Variants in ABLIM2 observed in about 807,000 individuals in gnomAD.
ABLIM2 encodes actin binding LIM protein family member 2.
In ABLIM2, 53 loss-of-function variants were observed where a neutral mutation model predicts 97.7. That is an observed-to-expected ratio of 0.54 (90% CI 0.44 to 0.68). The LOEUF (loss-of-function observed/expected upper bound fraction) is 0.68. Among genes scored for constraint, ABLIM2 ranks in the 30% least tolerant of loss-of-function variants. The pLI is 0.00. For synonymous variants in ABLIM2, 361 were observed against 345.8 expected, an observed-to-expected ratio of 1.04 and a Z score of -0.49; for missense variants, 835 against 867.2, an observed-to-expected ratio of 0.96 and a Z score of 0.47.
At position 8,068,800 on chromosome 4, in the gene ABLIM2, G is replaced by A. The variant is rs528939383; in HGVS notation, c.676-7746C>T. Among the ~76,000 whole-genome samples the A allele has an allele frequency of 6.6e-5, 10 of 152,378 alleles. No individual in the cohort carries two copies. Among genetic ancestry groups the A allele is most frequent in the Non-Finnish European group, 1.5e-4 (10 of 68,042 alleles). ...GCTGCTCCTCACAGTCATCGGCCCA[G>A]TTCAGAGCTCTAGTTTCCTTTCTGA... On this transcript the variant is annotated intron_variant, in intron 6 of 20. Transcript: ENST00000447017. The surrounding 1 kb of genome is among the most constrained non-coding windows in gnomAD (Gnocchi z 4.5).
chr4:8,071,808 C>T lies in ABLIM2; in HGVS notation c.675+5820G>A. The T allele has an allele frequency of 1.0e-6, 1 of 985,496 alleles. No individual in the cohort carries two copies. The highest frequency in any genetic ancestry group is 1.2e-6 in the Non-Finnish European group (1 of 830,012). The allele number at this position is 985,496 out of a possible 1,614,324, so 61.0% of individuals were successfully genotyped here. ...GGCACCAGAGCCCAGTCTGACGGCC[C>T]TGCTTGAGTGCCGTGCTCCCTGGAA... On this transcript the variant is annotated intron_variant, in intron 6 of 20. Coordinates refer to ENST00000447017, the MANE Select transcript of ABLIM2 (RefSeq NM_001130083.2). The surrounding 1 kb of genome is among the most constrained non-coding windows in gnomAD (Gnocchi z 6.2).
chr4:7,983,187 T>C, intron 20 of ABLIM2, 77 bp downstream of exon 20: 3 of 1,483,176 alleles, frequency 2.0e-6, no homozygotes, highest in African/African-American at 1.4e-5. Flanking sequence ...GGCAACGACC[T>C]TGACACCACG....
At chr4:7,987,558 A>G (rs1745344147) in intron 17 of ABLIM2, among the ~76,000 whole-genome samples, 1 of 152,192 alleles carries the variant, frequency 6.6e-6, no homozygotes, top group Admixed American at 6.5e-5. Context: ...GTCTGATGTG[A>G]AAGAGAAATG....
intron 14 of ABLIM2, among the ~76,000 whole-genome samples, chr4:8,018,914 G>A (rs563063510): frequency 6.6e-6 from 1 of 152,106 alleles, no homozygotes; most frequent in East Asian, 1.9e-4. Context: ...GGAGGGGATC[G>A]GTCCTGTTTT....
intron 20 of ABLIM2, among the ~76,000 whole-genome samples, chr4:7,975,489 C>G (rs753429362): frequency 6.6e-6 from 1 of 152,206 alleles, no homozygotes; most frequent in Admixed American, 6.5e-5. Context: ...GCACCTTTCA[C>G]TGCTGCGTGG....
At chr4:8,117,070 C>T (rs1843094149) in intron 1 of ABLIM2, among the ~76,000 whole-genome samples, 2 of 152,226 alleles carry the variant, frequency 1.3e-5, no homozygotes, top group South Asian at 4.1e-4. Flanking sequence ...ACTTTCTCCA[C>T]AGCCAAAGTC....
rs147770824 is a variant in ABLIM2, at chr4:8,016,670, G to C, written c.1423+2948C>G. ...ATGAGGCAGGACAGCTCCTGCCTGC[G>C]TGCTGGAGATAAAGACTGTCTCGAG... is the stretch of plus-strand genomic sequence containing the variant. On this transcript the variant is annotated intron_variant, in intron 14 of 20. Transcript: ENST00000447017. Among the ~76,000 whole-genome samples, 236 of 152,258 alleles carry C rather than the reference G, an allele frequency of 1.5e-3. 2 individuals carry two copies. The highest frequency in any genetic ancestry group is 5.4e-3 in the African/African-American group (225 of 41,546).
At chr4:7,978,436 T>C (rs951153477) in intron 20 of ABLIM2, among the ~76,000 whole-genome samples, 4 of 152,204 alleles carry the variant, frequency 2.6e-5, no homozygotes, top group African/African-American at 7.2e-5. Flanking sequence ...ACAATTTTCA[T>C]GTTGTATTAT....
chr4:7,986,014 G>C lies in ABLIM2; in HGVS notation c.1681-1121C>G, dbSNP rs1474487453. On this transcript the variant is annotated intron_variant, in intron 17 of 20. Coordinates refer to ENST00000447017, the MANE Select transcript of ABLIM2 (RefSeq NM_001130083.2). This position sits in a 1 kb window ranked among gnomAD's most constrained non-coding sequence, Gnocchi z 4.3. ...TGAGCCCTGAGCCATGCTCTGTTGC[G>C]GTTGTGCCTTGGCTGCCCGCGGTGG... Among the ~76,000 whole-genome samples the C allele has an allele frequency of 1.3e-5, 2 of 152,210 alleles. No individual in the cohort carries two copies. The highest frequency in any genetic ancestry group is 2.9e-5 in the Non-Finnish European group (2 of 68,036).
intron 6 of ABLIM2, among the ~76,000 whole-genome samples, chr4:8,062,475 G>A (rs570853690): frequency 1.6e-4 from 24 of 148,918 alleles, no homozygotes; most frequent in African/African-American, 3.5e-4. Flanking sequence ...TCACTCTGTC[G>A]CCCTGGCTGG....
In ABLIM2 at chr4:7,986,042, G is replaced by A. The variant is rs1287232528; in HGVS notation, c.1681-1149C>T. ...TGTGCCTTGGCTGCCCGCGGTGGACGGAGCCTGTTGAAGAAAATGTCTTAT... is the reference window on the plus strand; with the variant it reads ...TGTGCCTTGGCTGCCCGCGGTGGACAGAGCCTGTTGAAGAAAATGTCTTAT... On this transcript the variant is annotated intron_variant, in intron 17 of 20. Transcript: ENST00000447017. This position sits in a 1 kb window ranked among gnomAD's most constrained non-coding sequence, Gnocchi z 4.3. Among the ~76,000 whole-genome samples, 12 of 152,208 alleles carry A rather than the reference G, an allele frequency of 7.9e-5. No individual in the cohort carries two copies. The highest frequency in any genetic ancestry group is 5.9e-4 in the Admixed American group (9 of 15,284).
chr4:7,968,672 T>C (rs1725019123), intron 20 of ABLIM2, among the ~76,000 whole-genome samples: 1 of 152,054 alleles, frequency 6.6e-6, no homozygotes, highest in African/African-American at 2.4e-5. Context: ...CGCCAGGGAC[T>C]GGGGGAGAGA....
intron 4 of ABLIM2, among the ~76,000 whole-genome samples, chr4:8,081,680 CTGAGTCTTCCTG>C (rs1318020642): frequency 1.3e-5 from 2 of 152,156 alleles, no homozygotes; most frequent in African/African-American, 4.8e-5. Context: ...TGTATGTCAC[CTGAGTCTTCCTG>C]TGAGTCTTCC....
chr4:7,990,046 T>C (rs954097086), intron 17 of ABLIM2, among the ~76,000 whole-genome samples: 1 of 152,064 alleles, frequency 6.6e-6, no homozygotes, highest in African/African-American at 2.4e-5. Context: ...TTGTAACAAA[T>C]CCTTCTGGAA....
intron 16 of ABLIM2, among the ~76,000 whole-genome samples, chr4:8,000,168 C>T (rs1344096460): frequency 6.6e-6 from 1 of 152,118 alleles, no homozygotes; most frequent in Non-Finnish European, 1.5e-5. Flanking sequence ...CCCTTCATCC[C>T]TGAGCAGTGG....
intron 2 of ABLIM2, among the ~76,000 whole-genome samples, chr4:8,101,467 GAA>G (rs1834572629): frequency 6.6e-6 from 1 of 152,226 alleles, no homozygotes; most frequent in Non-Finnish European, 1.5e-5. Flanking sequence ...GAACGCCCAG[GAA>G]GCACGTGTGC....
intron 9 of ABLIM2, among the ~76,000 whole-genome samples, chr4:8,037,689 C>T (rs141344607): frequency 9.8e-4 from 150 of 152,292 alleles, no homozygotes; most frequent in African/African-American, 3.3e-3. Flanking sequence ...CCCCCCATGC[C>T]CACACGCACT....
chr4:8,090,747 T>C (rs1465928477), intron 3 of ABLIM2, among the ~76,000 whole-genome samples: 1 of 151,578 alleles, frequency 6.6e-6, no homozygotes, highest in Non-Finnish European at 1.5e-5. Context: ...ACAGAGCACA[T>C]AGTCTTTGGT....
At chr4:8,142,564 GA>G (rs1851151308) in intron 1 of ABLIM2, among the ~76,000 whole-genome samples, 1 of 152,232 alleles carries the variant, frequency 6.6e-6, no homozygotes, top group Non-Finnish European at 1.5e-5. Flanking sequence ...GCTCTTGAGT[GA>G]AATTATGACA....
Sources: allele counts gnomAD v4.1 joint callset (sites outside exome capture counted in the v4.1 genomes callset), GRCh38; gene constraint gnomAD v4.1.1; non-coding constraint Gnocchi (gnomAD v3.1); transcripts MANE v1.5; gene names NCBI Gene and HGNC (gene_info 2026-07-23, HGNC 2026-07-21).